Variants in CCDC25 observed in about 807,000 individuals in gnomAD.
CCDC25 encodes the protein coiled-coil domain-containing protein 25.
CCDC25 carries 16 observed loss-of-function variants against 35.3 expected under a neutral mutation model. The ratio of observed to expected loss-of-function variants is 0.45; its 90% CI spans 0.31 to 0.69. The LOEUF (loss-of-function observed/expected upper bound fraction) is 0.69, where lower values mean the gene tolerates loss of function less well. Among genes scored for constraint, CCDC25 ranks in the 30% least tolerant of loss-of-function variants. CCDC25 has a pLI of 0.06. For missense variants in CCDC25, 179 were observed against 250.7 expected (o/e 0.71, Z 1.93); for synonymous variants, 79 against 80.3 (o/e 0.98, Z 0.09).
At chr8:27,759,733 T>C (rs1390496303) in intron 3 of CCDC25, among the ~76,000 whole-genome samples, 3 of 138,218 alleles carry the variant, frequency 2.2e-5, no homozygotes, top group African/African-American at 8.2e-5. Context: ...TGAGTCAAGA[T>C]TGCACCACTG....
At chr8:27,742,354 A>C (rs1396576870) in intron 7 of CCDC25, among the ~76,000 whole-genome samples, 2 of 152,060 alleles carry the variant, frequency 1.3e-5, no homozygotes, top group Non-Finnish European at 2.9e-5. Context: ...AAAAACAAAC[A>C]AACAAAAAAC....
At chr8:27,770,544 C>T (rs1418705226) in intron 1 of CCDC25, among the ~76,000 whole-genome samples, 1 of 152,106 alleles carries the variant, frequency 6.6e-6, no homozygotes, top group East Asian at 1.9e-4. Flanking sequence ...TCAAGACCAG[C>T]CTGACCAACA....
rs1803162792 is a variant in CCDC25, at chr8:27,734,855, C to T, written c.*1361G>A. On this transcript the variant is annotated 3_prime_UTR_variant, in exon 9 of 9. Transcript: ENST00000356537. Reference sequence around the variant, plus strand: ...CAAGAATACATCTGAGAAAGGACATCCCTTTGACCCAGTGAGCAGCTGGAA... The same window carrying T: ...CAAGAATACATCTGAGAAAGGACATTCCTTTGACCCAGTGAGCAGCTGGAA... The T allele has an allele frequency of 6.6e-6, 1 of 152,144 alleles. No homozygotes were observed. 9.4% of individuals were successfully genotyped at this position (152,144 alleles called of 1,614,324 possible). A position where few individuals can be genotyped will look rare whatever the true frequency, so the allele number is the denominator to read the frequency against.
At chr8:27,743,393 G>A (rs1803504105) in intron 7 of CCDC25, among the ~76,000 whole-genome samples, 1 of 152,214 alleles carries the variant, frequency 6.6e-6, no homozygotes, top group Non-Finnish European at 1.5e-5. Flanking sequence ...CTCTTAGGAT[G>A]AAGACAAACA....
chr8:27,752,547 T>C lies in CCDC25; in HGVS notation c.209A>G (p.Asp70Gly). Residue 70 changes from aspartate (D) to glycine (G), a missense_variant, in exon 5 of 9, where the codon GAC becomes GGC. Physicochemically the swap from Asp to Gly is moderately conservative, Grantham distance 94. Coordinates refer to ENST00000356537, the MANE Select transcript of CCDC25 (RefSeq NM_018246.3). ...IEDIPKEVLM[D>G]CAHLVKANSI... ...ATTGGCCTTCACAAGGTGGGCACAG[T>C]CCATCAGCACTTCCTTTGGGATGTC... is the stretch of plus-strand genomic sequence containing the variant. The C allele has an allele frequency of 6.2e-7, 1 of 1,613,748 alleles. No individual in the cohort carries two copies. Among genetic ancestry groups the C allele is most frequent in the Non-Finnish European group, 8.5e-7 (1 of 1,179,762 alleles).
chr8:27,770,811 G>A (rs552723592), intron 1 of CCDC25, among the ~76,000 whole-genome samples: 5 of 150,840 alleles, frequency 3.3e-5, no homozygotes, highest in Admixed American at 1.3e-4. Flanking sequence ...CAATAGAATA[G>A]AAAGTGCTAT....
At chr8:27,771,687 G>A (rs947872439) in intron 1 of CCDC25, among the ~76,000 whole-genome samples, 3 of 152,172 alleles carry the variant, frequency 2.0e-5, no homozygotes, top group African/African-American at 7.2e-5. Context: ...TTAATACCAC[G>A]TGATAAGTGC....
chr8:27,742,791 C>T (rs575499310), intron 7 of CCDC25, among the ~76,000 whole-genome samples: 2 of 152,230 alleles, frequency 1.3e-5, no homozygotes, highest in South Asian at 2.1e-4. Flanking sequence ...AGCTTGAACC[C>T]GGGAGGTGGA....
chr8:27,752,397 C>A, intron 5 of CCDC25, 115 bp downstream of exon 5: 1 of 765,810 alleles, frequency 1.3e-6, no homozygotes, highest in South Asian at 1.7e-5. Context: ...AAAGGCACAG[C>A]ACATGTTATT....
chr8:27,749,569 G>A (rs1803723385), intron 5 of CCDC25, among the ~76,000 whole-genome samples: 1 of 152,082 alleles, frequency 6.6e-6, no homozygotes, highest in Admixed American at 6.6e-5. Flanking sequence ...TACTACAACT[G>A]GTCTGTACTT....
intron 1 of CCDC25, among the ~76,000 whole-genome samples, chr8:27,768,976 T>G (rs1399426955): frequency 6.6e-6 from 1 of 152,202 alleles, no homozygotes; most frequent in Non-Finnish European, 1.5e-5. Context: ...ATGGAACACA[T>G]TTTAGTCAGA....
chr8:27,740,582 A>C lies in CCDC25; in HGVS notation c.552-65T>G, dbSNP rs936629081. 4 of 1,436,068 alleles carry C rather than the reference A, an allele frequency of 2.8e-6. No homozygotes were observed. The African/African-American group carries it at 4.2e-5, about 15-fold the overall frequency. 89.0% of individuals were successfully genotyped at this position (1,436,068 alleles called of 1,614,324 possible). A position where few individuals can be genotyped will look rare whatever the true frequency, so the allele number is the denominator to read the frequency against. On this transcript the variant is annotated intron_variant, in intron 7 of 8. Transcript: ENST00000356537. ...TGATCCAGTCAACAAATATTTGATG[A>C]ACATTTCCTGTGTATCCAGCACTGC...
At chr8:27,746,735 T>C (rs1397500890) in intron 7 of CCDC25, among the ~76,000 whole-genome samples, 1 of 152,198 alleles carries the variant, frequency 6.6e-6, no homozygotes, top group Non-Finnish European at 1.5e-5. Flanking sequence ...GGCCTCATAT[T>C]AGCAGATTGT....
At chr8:27,739,635 T>A (rs1331929888) in intron 8 of CCDC25, among the ~76,000 whole-genome samples, 1 of 152,232 alleles carries the variant, frequency 6.6e-6, no homozygotes, top group Non-Finnish European at 1.5e-5. Context: ...GATGTGCATA[T>A]GTTATATGCA....
intron 3 of CCDC25, among the ~76,000 whole-genome samples, chr8:27,757,711 A>G (rs1804062926): frequency 6.6e-6 from 1 of 152,164 alleles, no homozygotes; most frequent in African/African-American, 2.4e-5. Flanking sequence ...AGGTAACACT[A>G]TCGCCACTTC....
rs1803157226 is a variant in CCDC25, at chr8:27,734,716, T to A, written c.*1500A>T. 1 of 152,160 alleles carries A rather than the reference T, an allele frequency of 6.6e-6. No homozygotes were observed. Among genetic ancestry groups the A allele is most frequent in the Admixed American group, 6.5e-5 (1 of 15,274 alleles). 9.4% of individuals were successfully genotyped at this position (152,160 alleles called of 1,614,324 possible). A position where few individuals can be genotyped will look rare whatever the true frequency, so the allele number is the denominator to read the frequency against. On this transcript the variant is annotated 3_prime_UTR_variant, in exon 9 of 9. Transcript: ENST00000356537. ...CATACTATAGTAAAAATATATGTAT[T>A]TTTCAAAAGCGCTATCTACATGTGT...
intron 7 of CCDC25, chr8:27,747,778 C>G (rs1217667327): frequency 8.9e-6 from 3 of 337,060 alleles, no homozygotes; most frequent in Non-Finnish European, 1.6e-5. Context: ...TTTTCCTTTC[C>G]AGAAGAACTT....
chr8:27,756,843 G>T, intron 3 of CCDC25, 73 bp from the exon 4 acceptor site: 2 of 1,075,580 alleles, frequency 1.9e-6, no homozygotes, highest in Non-Finnish European at 2.9e-6. Flanking sequence ...GCCATTTAAA[G>T]CATTCTGTTC....
rs1282011013 is a variant in CCDC25 at position 27,733,663 on chromosome 8, C to T, written c.*2553G>A. On this transcript the variant is annotated 3_prime_UTR_variant, in exon 9 of 9. Transcript: ENST00000356537. Reference sequence around the variant, plus strand: ...AGTCTGCTTCAAAATCAAAAGGTCACTCAGTCACTCTAATATGATCATTTT... The same window carrying T: ...AGTCTGCTTCAAAATCAAAAGGTCATTCAGTCACTCTAATATGATCATTTT... 2.0e-5 allele frequency: 3 copies of T among 152,206 alleles called. No individual in the cohort carries two copies. The East Asian group carries it at 5.8e-4, about 29-fold the overall frequency. 9.4% of individuals were successfully genotyped at this position (152,206 alleles called of 1,614,324 possible). A position where few individuals can be genotyped will look rare whatever the true frequency, so the allele number is the denominator to read the frequency against.
Sources: gnomAD v4.1 joint callset for allele counts (sites outside exome capture counted in the v4.1 genomes callset) on GRCh38, gnomAD v4.1.1 for gene constraint, MANE v1.5 for transcripts, NCBI Gene and HGNC (gene_info 2026-07-23, HGNC 2026-07-21) for gene names.